The following AFG3L2 variants were observed in gnomAD, a reference collection of about 807,000 sequenced individuals.
AFG3L2 encodes the protein AFG3 like matrix AAA peptidase subunit 2.
Under a neutral mutation model 94.5 loss-of-function variants are expected in AFG3L2, and 54 were observed. The observed-to-expected ratio is 0.57, with a 90% CI of 0.46 to 0.72. AFG3L2 has a LOEUF of 0.72. Among genes scored for constraint, AFG3L2 ranks in the 30% least tolerant of loss-of-function variants. AFG3L2 has a pLI of 0.00. For missense variants in AFG3L2, 754 were observed against 994.9 expected, an observed-to-expected ratio of 0.76 and a Z score of 3.26; for synonymous variants, 377 against 365.5, an observed-to-expected ratio of 1.03 and a Z score of -0.36.
chr18:12,337,447 CTG>C lies in AFG3L2; in HGVS notation c.2067_2068del (p.Tyr689Ter), dbSNP rs765987297. 1 of 1,614,240 alleles carries C rather than the reference CTG, an allele frequency of 6.2e-7. No individual in the cohort carries two copies. The highest frequency in any genetic ancestry group is 8.5e-7 in the Non-Finnish European group (1 of 1,180,022). ...ATCTATCAATCTTGCAGTGGCTTCA[CTG>C]TAAGGTTTCTCCAATACCATGTCCC... is the stretch of plus-strand genomic sequence containing the variant. On this transcript the variant is annotated stop_gained and frameshift_variant, in exon 16 of 17. Transcript: ENST00000269143. LOFTEE classifies it high-confidence loss of function.
chr18:12,339,672 C>A lies in AFG3L2; in HGVS notation c.1980+529G>T, dbSNP rs1488651881. ...GACCATCCTGGCTAACACGGTGAAA[C>A]CCTGTCTCTACTAAAAATACAAAAA... On this transcript the variant is annotated intron_variant, in intron 15 of 16. Coordinates refer to ENST00000269143, the MANE Select transcript of AFG3L2 (RefSeq NM_006796.3). 3.3e-5 allele frequency among the ~76,000 whole-genome samples: 5 copies of A among 151,028 alleles called. No homozygotes were observed. In the Admixed American group the frequency reaches 3.3e-4, roughly 10 times the overall value.
chr18:12,333,915 G>C (rs1170881282), intron 16 of AFG3L2, among the ~76,000 whole-genome samples: 3 of 152,172 alleles, frequency 2.0e-5, no homozygotes, highest in Non-Finnish European at 4.4e-5. Flanking sequence ...CTTACCCACT[G>C]TATGACCCTA....
chr18:12,354,315 C>T (rs894353604), intron 9 of AFG3L2, among the ~76,000 whole-genome samples: 5 of 152,144 alleles, frequency 3.3e-5, no homozygotes, highest in African/African-American at 9.7e-5. Flanking sequence ...CATCCCATCC[C>T]GGCATGAACA....
chr18:12,352,620 A>G (rs930576357), intron 10 of AFG3L2, among the ~76,000 whole-genome samples: 4 of 152,160 alleles, frequency 2.6e-5, no homozygotes, highest in South Asian at 2.1e-4. Flanking sequence ...CATTTCACCA[A>G]TTCTTCTCTT....
intron 3 of AFG3L2, among the ~76,000 whole-genome samples, chr18:12,370,434 C>G (rs1235083951): frequency 2.7e-5 from 4 of 150,470 alleles, no homozygotes; most frequent in African/African-American, 9.8e-5. Context: ...TTGCAACCTA[C>G]AGCTTCACAA....
intron 9 of AFG3L2, among the ~76,000 whole-genome samples, chr18:12,355,670 CA>C (rs1217600247): frequency 8.7e-5 from 13 of 149,342 alleles, no homozygotes; most frequent in Non-Finnish European, 1.3e-4. Context: ...TCCCGATTTA[CA>C]TATTTTTTTT....
At chr18:12,346,201 G>A (rs945576202) in intron 13 of AFG3L2, among the ~76,000 whole-genome samples, 1 of 152,116 alleles carries the variant, frequency 6.6e-6, no homozygotes, top group African/African-American at 2.4e-5. Flanking sequence ...CCATGAGCAC[G>A]GGTGACCTTG....
intron 16 of AFG3L2, among the ~76,000 whole-genome samples, chr18:12,330,525 C>T (rs950544030): frequency 1.3e-5 from 2 of 152,286 alleles, no homozygotes; most frequent in African/African-American, 4.8e-5. Flanking sequence ...CACCTGTAAT[C>T]CCAGCACTTT....
At chr18:12,350,300 C>T (rs201805874) in intron 12 of AFG3L2, among the ~76,000 whole-genome samples, 2 of 152,216 alleles carry the variant, frequency 1.3e-5, no homozygotes, top group East Asian at 1.9e-4. Context: ...TGTGAGCCAC[C>T]GTGCCCAGCC....
chr18:12,372,540 C>T (rs1271876807), intron 1 of AFG3L2, among the ~76,000 whole-genome samples: 4 of 152,136 alleles, frequency 2.6e-5, no homozygotes, highest in Non-Finnish European at 1.5e-5. Context: ...CAATGCCATC[C>T]CTACCCAAGG....
At chr18:12,356,134 A>AT (rs1352730664) in intron 9 of AFG3L2, among the ~76,000 whole-genome samples, 1 of 151,240 alleles carries the variant, frequency 6.6e-6, no homozygotes, top group Non-Finnish European at 1.5e-5. Context: ...AAAAAAAAAA[A>AT]ATCCACAAAT....
chr18:12,337,643 C>CCAG lies in AFG3L2; in HGVS notation c.1981-111_1981-109dup, dbSNP rs376213367. ...AAGTGCACAAAGGTGCTCTGTGTAGCCAGCAGCAGCAGCAGCAGCAGCACA... is the reference window on the plus strand; with the variant it reads ...AAGTGCACAAAGGTGCTCTGTGTAGCCAGCAGCAGCAGCAGCAGCAGCAGCACA... On this transcript the variant is annotated intron_variant, in intron 15 of 16. Coordinates refer to ENST00000269143, the MANE Select transcript of AFG3L2 (RefSeq NM_006796.3). The CCAG allele has an allele frequency of 3.3e-4, 311 of 953,750 alleles. 1 individual carries two copies. The highest frequency in any genetic ancestry group is 2.3e-3 in the African/African-American group (143 of 61,828). 59.1% of individuals were successfully genotyped at this position (953,750 alleles called of 1,614,324 possible).
At chr18:12,338,703 AAGTTAT>A (rs1907833759) in intron 15 of AFG3L2, among the ~76,000 whole-genome samples, 1 of 152,342 alleles carries the variant, frequency 6.6e-6, no homozygotes, top group East Asian at 1.9e-4. Flanking sequence ...ATCCCTTATA[AAGTTAT>A]TATAAGAAAA....
Position 12,334,204 on chromosome 18 carries a change from C to T in AFG3L2, c.2175+3137G>A, listed in dbSNP as rs9962240. Among the ~76,000 whole-genome samples, 145 of 152,326 alleles carry T rather than the reference C, an allele frequency of 9.5e-4. 1 individual carries two copies. Among genetic ancestry groups the T allele is most frequent in the Admixed American group, 3.0e-3 (46 of 15,308 alleles). On this transcript the variant is annotated intron_variant, in intron 16 of 16. Coordinates refer to ENST00000269143, the MANE Select transcript of AFG3L2 (RefSeq NM_006796.3). ...CTGGCTGGCTCTGCAGTATTCTGCA[C>T]GTGGCTCATTCTCTCTGATGGACCA...
At chr18:12,343,906 C>T (rs961054803) in intron 14 of AFG3L2, 12 of 574,862 alleles carry the variant, frequency 2.1e-5, no homozygotes, top group Middle Eastern at 4.6e-4. Flanking sequence ...CTCCAGCTCT[C>T]GCCTGCTTTT....
At chr18:12,350,938 C>A (rs1364741340) in intron 12 of AFG3L2, 147 bp downstream of exon 12, 5 of 1,073,980 alleles carry the variant, frequency 4.7e-6, no homozygotes, top group Non-Finnish European at 6.8e-6. Context: ...TTAAGTGAGA[C>A]CCTGTCTCAA....
In AFG3L2 at chr18:12,356,636, T is replaced by A; in HGVS notation, c.1164+58A>T. 4 of 1,612,474 alleles carry A rather than the reference T, an allele frequency of 2.5e-6. No individual in the cohort carries two copies. In the East Asian group the frequency reaches 6.7e-5, roughly 27 times the overall value. ...GGGCCATCTCTAGCAAGTGCCTCCA[T>A]CTGTGGTGAAGTGGTGGGTGCAAGG... On this transcript the variant is annotated intron_variant, in intron 9 of 16. Coordinates refer to ENST00000269143, the MANE Select transcript of AFG3L2 (RefSeq NM_006796.3).
intron 13 of AFG3L2, among the ~76,000 whole-genome samples, chr18:12,345,123 G>A (rs1908091927): frequency 6.6e-6 from 1 of 152,208 alleles, no homozygotes; most frequent in Admixed American, 6.5e-5. Context: ...GGCTGATGCT[G>A]GCGCACCCTC....
chr18:12,354,347 G>A (rs1908424510), intron 9 of AFG3L2, among the ~76,000 whole-genome samples: 2 of 152,104 alleles, frequency 1.3e-5, no homozygotes, highest in Non-Finnish European at 2.9e-5. Flanking sequence ...ATTCCAGCAA[G>A]CCTTAAGCAG....
Sources: gnomAD v4.1 joint callset for allele counts (sites outside exome capture counted in the v4.1 genomes callset) on GRCh38, gnomAD v4.1.1 for gene constraint, MANE v1.5 for transcripts, NCBI Gene and HGNC (gene_info 2026-07-23, HGNC 2026-07-21) for gene names.